Variants in CCDC137 observed in about 807,000 individuals in gnomAD.
CCDC137 encodes the protein coiled-coil domain-containing protein 137.
In CCDC137, 24 loss-of-function variants were observed where a neutral mutation model predicts 30.4. The ratio of observed to expected loss-of-function variants is 0.79; its 90% confidence interval spans 0.57 to 1.11. The LOEUF (loss-of-function observed/expected upper bound fraction) is 1.11. Among genes scored for constraint, CCDC137 ranks in the 50% least tolerant of loss-of-function variants. CCDC137 has a pLI of 0.00. For synonymous variants in CCDC137, 182 were observed against 155.7 expected (o/e 1.17, Z -1.26); for missense variants, 417 against 380.4 (o/e 1.10, Z -0.80).
intron 2 of CCDC137, among the ~76,000 whole-genome samples, chr17:81,668,251 C>T (rs57707013): frequency 0.15 from 22,692 of 152,102 alleles, 1,833 homozygotes; most frequent in African/African-American, 0.18. Context: ...TGGCAACTGG[C>T]GGGGCTACTG....
Position 81,672,792 on chromosome 17 carries a change from A to AGAGAG in CCDC137, c.*89_*90insAGAGG. 3 of 1,292,740 alleles carry AGAGAG rather than the reference A, an allele frequency of 2.3e-6. No homozygotes were observed. Among genetic ancestry groups the AGAGAG allele is most frequent in the Non-Finnish European group, 3.1e-6 (3 of 952,408 alleles). 80.1% of individuals were successfully genotyped at this position (1,292,740 alleles called of 1,614,324 possible). A position where few individuals can be genotyped will look rare whatever the true frequency, so the allele number is the denominator to read the frequency against. ...GGGTAGGAGAGAGGCAGGCCATGCC[A>AGAGAG]GCAGTGTGGGGTGAGGCCTCCAGCT... On this transcript the variant is annotated 3_prime_UTR_variant, in exon 6 of 6. Transcript: ENST00000329214.
At chr17:81,667,572 C>T (rs966785460) in intron 1 of CCDC137, among the ~76,000 whole-genome samples, 157 bp from the exon 2 acceptor site, 1 of 152,096 alleles carries the variant, frequency 6.6e-6, no homozygotes, top group East Asian at 1.9e-4. Flanking sequence ...CGTGATCCGC[C>T]CATCTCGGCC....
chr17:81,670,628 G>T (rs2036709406), intron 3 of CCDC137, among the ~76,000 whole-genome samples, 175 bp downstream of exon 3: 1 of 152,232 alleles, frequency 6.6e-6, no homozygotes, highest in Admixed American at 6.5e-5. Context: ...CTGGGAGCCA[G>T]TGAGGGTGTG....
intron 2 of CCDC137, among the ~76,000 whole-genome samples, chr17:81,668,119 GT>G (rs2036670049): frequency 6.6e-6 from 1 of 151,976 alleles, no homozygotes; most frequent in Admixed American, 6.6e-5. Flanking sequence ...AAGGAGCGGC[GT>G]TTTTTTCTCC....
At chr17:81,670,503 G>A in intron 3 of CCDC137, 50 bp downstream of exon 3, 1 of 1,511,666 alleles carries the variant, frequency 6.6e-7, no homozygotes, top group Non-Finnish European at 9.1e-7. Flanking sequence ...CCGGAGGGAA[G>A]ACATTGGGTT....
At position 81,666,740 on chromosome 17, in the gene CCDC137, T is replaced by A; in HGVS notation, c.-27T>A. On this transcript the variant is annotated 5_prime_UTR_variant, in exon 1 of 6. Coordinates refer to ENST00000329214, the MANE Select transcript of CCDC137 (RefSeq NM_199287.3). ...AACCATGCAGGAAGGCGGAAGTGGC[T>A]TCGCTAGGGAGCCTCCCGGCGTGGA... The A allele has an allele frequency of 6.9e-7, 1 of 1,446,580 alleles. No homozygotes were observed. Among genetic ancestry groups the A allele is most frequent in the Non-Finnish European group, 9.1e-7 (1 of 1,104,358 alleles). 89.6% of individuals were successfully genotyped at this position (1,446,580 alleles called of 1,614,324 possible).
At chr17:81,671,985 C>T (rs2036724003) in intron 4 of CCDC137, 91 bp from the exon 5 acceptor site, 1 of 1,507,142 alleles carries the variant, frequency 6.6e-7, no homozygotes, top group African/African-American at 1.4e-5. Context: ...TGTCCCAGCC[C>T]TATGGGAGGG....
rs1428190273 is a variant in CCDC137, at chr17:81,667,884, G to A, written c.268+22G>A. The A allele has an allele frequency of 1.9e-6, 3 of 1,607,424 alleles. 1 individual carries two copies. The highest frequency in any genetic ancestry group is 2.2e-5 in the South Asian group (2 of 90,512). On this transcript the variant is annotated intron_variant, in intron 2 of 5. Coordinates refer to ENST00000329214, the MANE Select transcript of CCDC137 (RefSeq NM_199287.3). ...GCAGGTGTGTGCAGGCCCATACTGGGCGGCAGTGAAGCTTTGTGTGTCTCA... is the reference window on the plus strand; with the variant it reads ...GCAGGTGTGTGCAGGCCCATACTGGACGGCAGTGAAGCTTTGTGTGTCTCA...
chr17:81,672,139 G>T lies in CCDC137; in HGVS notation c.644G>T (p.Ser215Ile), dbSNP rs768844136. The change falls in exon 5 of 6, where the codon AGC becomes ATC. Residue 215 changes from serine (S) to isoleucine (I), a missense_variant. By Grantham distance (142) the Ser-to-Ile change is moderately radical. Coordinates refer to ENST00000329214, the MANE Select transcript of CCDC137 (RefSeq NM_199287.3). Reference sequence around the variant, plus strand: ...GAGCTGACTGCCAGGCCCCAGAGGAGCGTAAGCAAGGACCAGGTAAGTGGG... The same window carrying T: ...GAGCTGACTGCCAGGCCCCAGAGGATCGTAAGCAAGGACCAGGTAAGTGGG... ...PPELTARPQR[S>I]VSKDQPGRRS... 1.2e-6 allele frequency: 2 copies of T among 1,614,032 alleles called. No individual in the cohort carries two copies. The highest frequency in any genetic ancestry group is 1.7e-6 in the Non-Finnish European group (2 of 1,179,944).
In CCDC137 at chr17:81,672,156, G is replaced by A. The variant is rs1017587760; in HGVS notation, c.660+1G>A. 6.2e-6 allele frequency: 10 copies of A among 1,613,982 alleles called. No individual in the cohort carries two copies. The highest frequency in any genetic ancestry group is 3.3e-4 in the Middle Eastern group (2 of 6,062). On this transcript the variant is annotated splice_donor_variant, in intron 5 of 5. Coordinates refer to ENST00000329214, the MANE Select transcript of CCDC137 (RefSeq NM_199287.3). LOFTEE classifies it high-confidence loss of function. The stretch of plus-strand genomic sequence containing the variant: ...CCAGAGGAGCGTAAGCAAGGACCAG[G>A]TAAGTGGGGCACGGGGACAACTTGA...
chr17:81,672,773 G>C lies in CCDC137; in HGVS notation c.*69G>C, dbSNP rs2036737833. The C allele has an allele frequency of 7.1e-7, 1 of 1,409,086 alleles. No homozygotes were observed. The highest frequency in any genetic ancestry group is 2.5e-5 in the East Asian group (1 of 39,944). The allele number at this position is 1,409,086 out of a possible 1,614,324, so 87.3% of individuals were successfully genotyped here. A position where few individuals can be genotyped will look rare whatever the true frequency, so the allele number is the denominator to read the frequency against. On this transcript the variant is annotated 3_prime_UTR_variant, in exon 6 of 6. Transcript: ENST00000329214. ...ACCAGGAGCTGCTACACCTGGGTAG[G>C]AGAGAGGCAGGCCATGCCAGCAGTG... is the stretch of plus-strand genomic sequence containing the variant.
In CCDC137 at chr17:81,672,728, C is replaced by A. The variant is rs2036737227; in HGVS notation, c.*24C>A. 1 of 1,533,490 alleles carries A rather than the reference C, an allele frequency of 6.5e-7. No homozygotes were observed. Among genetic ancestry groups the A allele is most frequent in the African/African-American group, 1.4e-5 (1 of 73,098 alleles). The allele number at this position is 1,533,490 out of a possible 1,614,324, so 95.0% of individuals were successfully genotyped here. A position where few individuals can be genotyped will look rare whatever the true frequency, so the allele number is the denominator to read the frequency against. ...GATGGAGAGACACCCGGGGCCTGGCCACGCTCTGGGGCAACTGGCACCAGG... is the reference window on the plus strand; with the variant it reads ...GATGGAGAGACACCCGGGGCCTGGCAACGCTCTGGGGCAACTGGCACCAGG... On this transcript the variant is annotated 3_prime_UTR_variant, in exon 6 of 6. Transcript: ENST00000329214.
intron 2 of CCDC137, among the ~76,000 whole-genome samples, chr17:81,669,271 C>A (rs1269529535): frequency 6.6e-6 from 1 of 151,806 alleles, no homozygotes; most frequent in Non-Finnish European, 1.5e-5. Flanking sequence ...TCAGCCCCCC[C>A]AGTAGCTGGG....
chr17:81,672,919 G>A lies in CCDC137; in HGVS notation c.*215G>A, dbSNP rs772656123. Reference sequence around the variant, plus strand: ...GGTTGACAGACGGCCCGTGGGGCCCGGTGTCACTCACAGCTCCATCTCTTT... The same window carrying A: ...GGTTGACAGACGGCCCGTGGGGCCCAGTGTCACTCACAGCTCCATCTCTTT... On this transcript the variant is annotated 3_prime_UTR_variant, in exon 6 of 6. Coordinates refer to ENST00000329214, the MANE Select transcript of CCDC137 (RefSeq NM_199287.3). The A allele has an allele frequency of 4.5e-5, 26 of 574,844 alleles. No homozygotes were observed. The highest frequency in any genetic ancestry group is 1.7e-4 in the Admixed American group (5 of 30,114). 35.6% of individuals were successfully genotyped at this position (574,844 alleles called of 1,614,324 possible).
chr17:81,672,977 G>A lies in CCDC137; in HGVS notation c.*273G>A. Reference sequence around the variant, plus strand: ...ACGTCCATTCTGAGTCTCAGCCCAGGTGGACCTTAGGAAGGGCTGGATCCC... The same window carrying A: ...ACGTCCATTCTGAGTCTCAGCCCAGATGGACCTTAGGAAGGGCTGGATCCC... On this transcript the variant is annotated 3_prime_UTR_variant, in exon 6 of 6. Transcript: ENST00000329214. The A allele has an allele frequency of 3.9e-6, 2 of 510,530 alleles. No individual in the cohort carries two copies. The highest frequency in any genetic ancestry group is 3.4e-5 in the East Asian group (1 of 29,558). 31.6% of individuals were successfully genotyped at this position (510,530 alleles called of 1,614,324 possible). A position where few individuals can be genotyped will look rare whatever the true frequency, so the allele number is the denominator to read the frequency against.
chr17:81,668,083 C>T (rs896533249), intron 2 of CCDC137, among the ~76,000 whole-genome samples: 9 of 152,098 alleles, frequency 5.9e-5, no homozygotes, highest in Admixed American at 5.9e-4. Flanking sequence ...GGGGAGGACC[C>T]GTTATGGGGC....
intron 1 of CCDC137, 103 bp from the exon 2 acceptor site, chr17:81,667,626 C>T: frequency 1.4e-6 from 2 of 1,410,308 alleles, no homozygotes; most frequent in African/African-American, 1.4e-5. Flanking sequence ...CAAGCCCGGC[C>T]AGCCCGTGTA....
Position 81,670,362 on chromosome 17 carries a change from G to A in CCDC137, c.406G>A (p.Val136Met). 6.2e-7 allele frequency: 1 copy of A among 1,613,958 alleles called. No homozygotes were observed. Among genetic ancestry groups the A allele is most frequent in the East Asian group, 2.2e-5 (1 of 44,888 alleles). ...IHRMQQEAQH[V>M]LFLSKNQAIR... ...CCGCATGCAGCAAGAGGCCCAGCATGTGCTGTTCCTCAGCAAGAACCAGGC... is the reference window on the plus strand; with the variant it reads ...CCGCATGCAGCAAGAGGCCCAGCATATGCTGTTCCTCAGCAAGAACCAGGC... Residue 136 changes from valine to methionine, a missense_variant, in exon 3 of 6, where the codon GTG (valine) becomes ATG (methionine). Coordinates refer to ENST00000329214, the MANE Select transcript of CCDC137 (RefSeq NM_199287.3).
intron 3 of CCDC137, chr17:81,671,501 A>G (rs991301339): frequency 5.6e-6 from 3 of 531,216 alleles, no homozygotes; most frequent in Non-Finnish European, 1.0e-5. Context: ...GTTCCCTGGC[A>G]GGTAGCTGTC....
Sources: gnomAD v4.1 joint callset for allele counts (sites outside exome capture counted in the v4.1 genomes callset) on GRCh38, gnomAD v4.1.1 for gene constraint, MANE v1.5 for transcripts, NCBI Gene and HGNC (gene_info 2026-07-23, HGNC 2026-07-21) for gene names.